Variants in SYCP2 observed in about 807,000 individuals in gnomAD.
SYCP2 encodes the protein synaptonemal complex lateral element protein.
In SYCP2, 55 loss-of-function variants were observed where a neutral mutation model predicts 211.3. The observed-to-expected ratio is 0.26, with a 90% confidence interval of 0.21 to 0.33. The LOEUF is 0.33. SYCP2 is among the 10% of genes least tolerant of loss of function. SYCP2 has a pLI of 1.00. For synonymous variants in SYCP2, 570 were observed against 555.2 expected (o/e 1.03, Z -0.37); for missense variants, 1,731 against 1,752.0 (o/e 0.99, Z 0.21).
chr20:59,865,382 A>G lies in SYCP2; in HGVS notation c.4515+6T>C. On this transcript the variant is annotated splice_donor_region_variant and intron_variant, in intron 44 of 44. Coordinates refer to ENST00000357552, the MANE Select transcript of SYCP2 (RefSeq NM_014258.4). ...ATTATCCCATTTTCAAACTTAGTTG[A>G]CTTACCATGTCCTTAAGAAGCCTGT... 6.2e-7 allele frequency: 1 copy of G among 1,602,482 alleles called. No individual in the cohort carries two copies. Among genetic ancestry groups the G allele is most frequent in the Middle Eastern group, 1.7e-4 (1 of 5,984 alleles).
Position 59,922,455 on chromosome 20 carries a change from A to C in SYCP2, c.-42T>G. 1 of 1,397,498 alleles carries C rather than the reference A, an allele frequency of 7.2e-7. No homozygotes were observed. The highest frequency in any genetic ancestry group is 9.8e-7 in the Non-Finnish European group (1 of 1,015,516). 86.6% of individuals were successfully genotyped at this position (1,397,498 alleles called of 1,614,324 possible). On this transcript the variant is annotated 5_prime_UTR_variant, in exon 3 of 45. Coordinates refer to ENST00000357552, the MANE Select transcript of SYCP2 (RefSeq NM_014258.4). ...AAAAAAAAAAAAGCAAGACAAAATA[A>C]ACACCTATAAAAGAAAACATATATT...
intron 3 of SYCP2, among the ~76,000 whole-genome samples, chr20:59,921,839 GA>G (rs2060547329): frequency 6.6e-6 from 1 of 151,084 alleles, no homozygotes; most frequent in South Asian, 2.1e-4. Context: ...AAATAGTAAA[GA>G]AAAAAATACA....
rs1441055522 is a variant in SYCP2 at position 59,867,656 on chromosome 20, G to C, written c.4125+55C>G. 5 of 1,474,806 alleles carry C rather than the reference G, an allele frequency of 3.4e-6. No individual in the cohort carries two copies. In the South Asian group the frequency reaches 4.8e-5, roughly 14 times the overall value. The allele number at this position is 1,474,806 out of a possible 1,614,324, so 91.4% of individuals were successfully genotyped here. ...AAACAAGCCAATGGTCTAGTAGAAA[G>C]TGTGGCATATTATTATATTATTGGG... On this transcript the variant is annotated intron_variant, in intron 39 of 44. Coordinates refer to ENST00000357552, the MANE Select transcript of SYCP2 (RefSeq NM_014258.4).
At chr20:59,885,380 T>C (rs940929378) in intron 26 of SYCP2, among the ~76,000 whole-genome samples, 8 of 151,920 alleles carry the variant, frequency 5.3e-5, no homozygotes, top group Admixed American at 5.2e-4. Flanking sequence ...ATTGTAACAA[T>C]CCAGAGATTA....
chr20:59,889,850 A>C (rs978640947), intron 24 of SYCP2, among the ~76,000 whole-genome samples: 1 of 151,992 alleles, frequency 6.6e-6, no homozygotes, highest in African/African-American at 2.4e-5. Flanking sequence ...GCTACCTTAG[A>C]AGACAGTTAT....
intron 20 of SYCP2, among the ~76,000 whole-genome samples, chr20:59,894,095 C>T (rs935288371): frequency 1.3e-5 from 2 of 152,022 alleles, no homozygotes; most frequent in Admixed American, 6.6e-5. Context: ...CAGCAAGCTT[C>T]CCTATTTCCA....
chr20:59,921,005 A>G (rs1002609901), intron 4 of SYCP2, among the ~76,000 whole-genome samples: 3 of 151,682 alleles, frequency 2.0e-5, no homozygotes, highest in Non-Finnish European at 4.4e-5. Context: ...TTTTTTAAAA[A>G]TCTATGAACT....
At chr20:59,903,286 T>C (rs1226934411) in intron 15 of SYCP2, among the ~76,000 whole-genome samples, 2 of 152,120 alleles carry the variant, frequency 1.3e-5, no homozygotes, top group African/African-American at 2.4e-5. Context: ...TTGCTTGCTA[T>C]AAAATCCAAG....
At chr20:59,914,773 TA>T (rs200404857) in intron 10 of SYCP2, among the ~76,000 whole-genome samples, 3 of 151,934 alleles carry the variant, frequency 2.0e-5, no homozygotes, top group African/African-American at 7.2e-5. Context: ...CCTAATTTCA[TA>T]AAAAAATCTG....
At chr20:59,915,241 A>G (rs749571236) in intron 9 of SYCP2, 42 bp from the exon 10 acceptor site, 3 of 1,387,376 alleles carry the variant, frequency 2.2e-6, no homozygotes, top group South Asian at 1.2e-5. Context: ...ACCAGTATCA[A>G]TTAAATAGGA....
rs1277817190 is a variant in SYCP2, at chr20:59,900,322, C to A, written c.1258-38G>T. 8 of 1,518,318 alleles carry A rather than the reference C, an allele frequency of 5.3e-6. No homozygotes were observed. In the South Asian group the frequency reaches 7.8e-5, roughly 15 times the overall value. 94.1% of individuals were successfully genotyped at this position (1,518,318 alleles called of 1,614,324 possible). ...ATGAAAAAAAAAGTATTTAAAACTG[C>A]AAACCACAGAAAGTAATCAACAATC... is the stretch of plus-strand genomic sequence containing the variant. On this transcript the variant is annotated intron_variant, in intron 17 of 44. Transcript: ENST00000357552.
At chr20:59,909,347 T>A (rs1400295803) in intron 14 of SYCP2, among the ~76,000 whole-genome samples, 24 of 152,212 alleles carry the variant, frequency 1.6e-4, no homozygotes, top group Non-Finnish European at 1.5e-5. Flanking sequence ...CCAAGTTTGC[T>A]CAGTTCTGTC....
chr20:59,913,450 TTC>T (rs1472126587), intron 12 of SYCP2, among the ~76,000 whole-genome samples: 2 of 152,180 alleles, frequency 1.3e-5, no homozygotes, highest in South Asian at 2.1e-4. Context: ...GCATTGCAAA[TTC>T]TGTTTTTCTG....
At chr20:59,880,852 T>C (rs1473384428) in intron 30 of SYCP2, 114 bp downstream of exon 30, 4 of 528,662 alleles carry the variant, frequency 7.6e-6, no homozygotes, top group Non-Finnish European at 1.3e-5. Context: ...AGGTGGATAG[T>C]TGCATAAATA....
At chr20:59,920,508 T>C in intron 4 of SYCP2, 21 bp from the exon 5 acceptor site, 1 of 1,558,570 alleles carries the variant, frequency 6.4e-7, no homozygotes, top group Non-Finnish European at 8.8e-7. Context: ...AGGTATACAT[T>C]AAAATTTCTG....
chr20:59,908,643 TAA>T (rs1434090089), intron 14 of SYCP2, among the ~76,000 whole-genome samples: 25 of 152,206 alleles, frequency 1.6e-4, no homozygotes, highest in Non-Finnish European at 2.9e-4. Flanking sequence ...AAAACACACA[TAA>T]TGGCAATTTT....
At chr20:59,916,882 G>A (rs560679636) in intron 7 of SYCP2, among the ~76,000 whole-genome samples, 1 of 152,054 alleles carries the variant, frequency 6.6e-6, no homozygotes, top group Non-Finnish European at 1.5e-5. Flanking sequence ...TCGTGCCACT[G>A]TACTCCAGCC....
chr20:59,866,862 G>C (rs1341705371), intron 39 of SYCP2, among the ~76,000 whole-genome samples: 1 of 151,510 alleles, frequency 6.6e-6, no homozygotes, highest in Non-Finnish European at 1.5e-5. Flanking sequence ...CAAAAATGCT[G>C]ATGGTTATAA....
intron 2 of SYCP2, 22 bp downstream of exon 2, chr20:59,932,040 T>G (rs1216269411): frequency 6.6e-6 from 1 of 152,112 alleles, no homozygotes; most frequent in Admixed American, 6.5e-5. Context: ...ATAATAATGT[T>G]TCAAGAGAAG....
Sources: allele counts gnomAD v4.1 joint callset (sites outside exome capture counted in the v4.1 genomes callset), GRCh38; gene constraint gnomAD v4.1.1; transcripts MANE v1.5; gene names NCBI Gene and HGNC (gene_info 2026-07-23, HGNC 2026-07-21).